Variants in CTNNA3 observed in about 807,000 individuals in gnomAD.
The protein encoded by CTNNA3 is catenin alpha 3.
A neutral mutation model predicts 95.7 loss-of-function variants in CTNNA3; 76 were observed. The ratio of observed to expected loss-of-function variants is 0.79; its 90% CI spans 0.66 to 0.96. The LOEUF is 0.96. Among genes scored for constraint, CTNNA3 ranks in the 40% least tolerant of loss-of-function variants. The pLI, the probability that CTNNA3 is intolerant of heterozygous loss-of-function variation, is 0.00. For missense variants in CTNNA3, 1,191 were observed against 1,089.8 expected, an observed-to-expected ratio of 1.09 and a Z score of -1.31; for synonymous variants, 431 against 374.4, an observed-to-expected ratio of 1.15 and a Z score of -1.74.
rs73313389 is a variant in CTNNA3, at chr10:66,562,500, A to G, written c.1375-41727T>C. 3.6e-3 allele frequency among the ~76,000 whole-genome samples: 541 copies of G among 152,144 alleles called. 3 individuals are homozygous for G. Among genetic ancestry groups the G allele is most frequent in the African/African-American group, 0.012 (489 of 41,524 alleles). ...CCTCCTCTATCCTTTACTCTTTGAG[A>G]GCCTATAATACAATCATGTGAGGAA... On this transcript the variant is annotated intron_variant, in intron 10 of 17. Coordinates refer to ENST00000433211, the MANE Select transcript of CTNNA3 (RefSeq NM_013266.4).
At chr10:67,274,130 G>C (rs1589115129) in intron 5 of CTNNA3, among the ~76,000 whole-genome samples, 1 of 152,086 alleles carries the variant, frequency 6.6e-6, no homozygotes, top group East Asian at 1.9e-4. Context: ...GCATAAATTA[G>C]AGTAAAATAA....
chr10:66,535,488 G>A (rs2132061397), intron 10 of CTNNA3, among the ~76,000 whole-genome samples: 1 of 152,274 alleles, frequency 6.6e-6, no homozygotes, highest in Admixed American at 6.5e-5. Context: ...CTATGAATAA[G>A]AAGGAATTAT....
At chr10:66,215,747 A>C (rs1589754365) in intron 13 of CTNNA3, among the ~76,000 whole-genome samples, 1 of 152,194 alleles carries the variant, frequency 6.6e-6, no homozygotes, top group Admixed American at 6.5e-5. Context: ...AGTGGAGTTT[A>C]GGTATCATAG....
chr10:66,927,938 C>A lies in CTNNA3; in HGVS notation c.1048-152414G>T, dbSNP rs1847163850. On this transcript the variant is annotated intron_variant, in intron 7 of 17. Transcript: ENST00000433211. The surrounding 1 kb of genome is among the most constrained non-coding windows in gnomAD (Gnocchi z 4.7). ...CTAAGGGAGAATACAATTATCTGTG[C>A]CAGTCCCAAAGAGCTGCAAGGAGTA... The A allele has an allele frequency of 6.2e-7, 1 of 1,614,088 alleles. No homozygotes were observed. The highest frequency in any genetic ancestry group is 8.5e-7 in the Non-Finnish European group (1 of 1,180,050).
chr10:67,264,173 T>C (rs553413316), intron 5 of CTNNA3, among the ~76,000 whole-genome samples: 1 of 152,258 alleles, frequency 6.6e-6, no homozygotes, highest in African/African-American at 2.4e-5. Flanking sequence ...TTTAGTATAC[T>C]TGATCCAGAT....
intron 5 of CTNNA3, among the ~76,000 whole-genome samples, chr10:67,489,936 A>G (rs1289300581): frequency 6.6e-6 from 1 of 152,062 alleles, no homozygotes; most frequent in African/African-American, 2.4e-5. Context: ...AGATCATGTA[A>G]TATTTGTCTT....
intron 5 of CTNNA3, among the ~76,000 whole-genome samples, chr10:67,510,631 G>A (rs1839591144): frequency 6.6e-6 from 1 of 152,136 alleles, no homozygotes; most frequent in Non-Finnish European, 1.5e-5. Flanking sequence ...GTAGCATGAT[G>A]CTTCCAGTTT....
intron 3 of CTNNA3, among the ~76,000 whole-genome samples, chr10:67,549,174 A>G (rs138686479): frequency 5.9e-5 from 9 of 152,324 alleles, no homozygotes; most frequent in Non-Finnish European, 1.3e-4. Flanking sequence ...CCAAAAAAAA[A>G]TCAATGTGTA....
chr10:67,203,666 T>G (rs1354474449), intron 6 of CTNNA3, among the ~76,000 whole-genome samples: 1 of 152,194 alleles, frequency 6.6e-6, no homozygotes, highest in East Asian at 1.9e-4. Context: ...TATAAAAATA[T>G]CTTGATTTTT....
chr10:66,466,247 A>G lies in CTNNA3; in HGVS notation c.1531+54370T>C, dbSNP rs555062567. 1.0e-3 allele frequency among the ~76,000 whole-genome samples: 159 copies of G among 151,808 alleles called. 1 individual carries two copies. The highest frequency in any genetic ancestry group is 3.5e-3 in the African/African-American group (144 of 41,404). ...CTACCCTGCATATTCTGGGCTTGCC[A>G]GTCTCCGAAATTGTACAAGTCAATC... On this transcript the variant is annotated intron_variant, in intron 11 of 17. Transcript: ENST00000433211.
chr10:67,286,003 G>T lies in CTNNA3; in HGVS notation c.580-66133C>A, dbSNP rs1222561915. ...AGCAGGTAGTATTCCAGCTGTTTGGGGCTGCTTTGGGCTCTAGGCATTTTA... is the reference window on the plus strand; with the variant it reads ...AGCAGGTAGTATTCCAGCTGTTTGGTGCTGCTTTGGGCTCTAGGCATTTTA... On this transcript the variant is annotated intron_variant, in intron 5 of 17. Coordinates refer to ENST00000433211, the MANE Select transcript of CTNNA3 (RefSeq NM_013266.4). Among the ~76,000 whole-genome samples the T allele has an allele frequency of 2.6e-5, 4 of 152,108 alleles. 1 individual carries two copies. Among genetic ancestry groups the T allele is most frequent in the Admixed American group, 2.0e-4 (3 of 15,252 alleles).
chr10:66,006,359 C>G (rs35443108), intron 15 of CTNNA3, among the ~76,000 whole-genome samples: 3,660 of 152,096 alleles, frequency 0.024, 59 homozygotes, highest in Non-Finnish European at 0.038. Flanking sequence ...GTTACCCCTG[C>G]AATGTCCTCC....
intron 11 of CTNNA3, among the ~76,000 whole-genome samples, chr10:66,447,966 A>C (rs1288833843): frequency 2.2e-4 from 34 of 152,218 alleles, no homozygotes; most frequent in Admixed American, 2.2e-3. Context: ...CAATGAACTC[A>C]AACAAATTTA....
intron 12 of CTNNA3, among the ~76,000 whole-genome samples, chr10:66,305,201 A>G (rs951211137): frequency 1.3e-5 from 2 of 152,110 alleles, no homozygotes; most frequent in African/African-American, 4.8e-5. Context: ...AATGACAAAA[A>G]CTATCTCCCT....
intron 5 of CTNNA3, among the ~76,000 whole-genome samples, chr10:67,279,789 C>G (rs1453473225): frequency 6.7e-6 from 1 of 150,178 alleles, no homozygotes; most frequent in Non-Finnish European, 1.5e-5. Flanking sequence ...GTTCCAGTCA[C>G]AGCCAGATAT....
chr10:66,111,636 G>T (rs931087070), intron 13 of CTNNA3, among the ~76,000 whole-genome samples: 6 of 152,308 alleles, frequency 3.9e-5, no homozygotes, highest in Non-Finnish European at 5.9e-5. Flanking sequence ...AGATGGAGAT[G>T]AAAGATATTC....
intron 13 of CTNNA3, among the ~76,000 whole-genome samples, chr10:66,226,251 G>A (rs2089281590): frequency 6.6e-6 from 1 of 152,062 alleles, no homozygotes; most frequent in African/African-American, 2.4e-5. Flanking sequence ...TAGAGATCTA[G>A]TTTCATTCTT....
intron 3 of CTNNA3, among the ~76,000 whole-genome samples, chr10:67,583,255 TG>T (rs1317574395): frequency 6.6e-6 from 1 of 152,190 alleles, no homozygotes; most frequent in African/African-American, 2.4e-5. Context: ...GCAGGCCTGC[TG>T]GTGACAAAAT....
At chr10:67,231,017 G>C (rs118064356) in intron 5 of CTNNA3, among the ~76,000 whole-genome samples, 1 of 152,092 alleles carries the variant, frequency 6.6e-6, no homozygotes, top group Non-Finnish European at 1.5e-5. Flanking sequence ...CTGGCTGGGA[G>C]GGTCCTACGC....
Sources: allele counts gnomAD v4.1 joint callset (sites outside exome capture counted in the v4.1 genomes callset), GRCh38; gene constraint gnomAD v4.1.1; non-coding constraint Gnocchi (gnomAD v3.1); transcripts MANE v1.5; gene names NCBI Gene and HGNC (gene_info 2026-07-23, HGNC 2026-07-21).